The following FAM117A variants were observed in gnomAD, a reference collection of about 807,000 sequenced individuals.
FAM117A encodes the protein protein FAM117A.
FAM117A carries 21 observed loss-of-function variants against 44.1 expected under a neutral mutation model. The observed-to-expected ratio is 0.48, with a 90% CI of 0.34 to 0.69. The LOEUF (loss-of-function observed/expected upper bound fraction) is 0.69. Among genes scored for constraint, FAM117A ranks in the 30% least tolerant of loss-of-function variants. FAM117A has a pLI of 0.01. For synonymous variants in FAM117A, 220 were observed against 238.3 expected (o/e 0.92, Z 0.71); for missense variants, 498 against 589.9 (o/e 0.84, Z 1.61).
At chr17:49,760,467 C>G (rs2073718505) in intron 1 of FAM117A, among the ~76,000 whole-genome samples, 1 of 152,040 alleles carries the variant, frequency 6.6e-6, no homozygotes, top group African/African-American at 2.4e-5. Flanking sequence ...TTAAATGAAG[C>G]AGTGTGGCTG....
intron 1 of FAM117A, among the ~76,000 whole-genome samples, chr17:49,771,335 TTGA>T (rs1360032201): frequency 1.3e-5 from 2 of 152,222 alleles, no homozygotes; most frequent in African/African-American, 4.8e-5. Context: ...CTCTGAGAGA[TTGA>T]TGATGTGTGG....
chr17:49,755,724 C>T (rs1017867040), intron 1 of FAM117A, among the ~76,000 whole-genome samples: 5 of 152,240 alleles, frequency 3.3e-5, no homozygotes, highest in East Asian at 3.9e-4. Context: ...ACTAACACTT[C>T]GGGGGGTTTT....
At chr17:49,726,560 C>A (rs1322733615) in intron 2 of FAM117A, among the ~76,000 whole-genome samples, 5 of 152,198 alleles carry the variant, frequency 3.3e-5, no homozygotes, top group Admixed American at 2.6e-4. Flanking sequence ...TGGACTATAG[C>A]CCCTCCTAAA....
chr17:49,759,209 C>G (rs1011372268), intron 1 of FAM117A, among the ~76,000 whole-genome samples: 1 of 152,212 alleles, frequency 6.6e-6, no homozygotes, highest in Non-Finnish European at 1.5e-5. Context: ...GAGACCTTCT[C>G]GTACTATATA....
intron 2 of FAM117A, among the ~76,000 whole-genome samples, chr17:49,729,507 T>G (rs1404588028): frequency 1.5e-5 from 2 of 136,098 alleles, no homozygotes; most frequent in East Asian, 2.0e-4. Context: ...ATCAGTCTTT[T>G]TTTTTTTTTT....
chr17:49,779,307 C>G (rs911736714), intron 1 of FAM117A, among the ~76,000 whole-genome samples: 1 of 152,218 alleles, frequency 6.6e-6, no homozygotes, highest in Non-Finnish European at 1.5e-5. Flanking sequence ...ATGCTACTTA[C>G]AGTTGTCTGG....
chr17:49,785,079 C>A (rs1346227574), intron 1 of FAM117A, among the ~76,000 whole-genome samples: 1 of 152,158 alleles, frequency 6.6e-6, no homozygotes, highest in Non-Finnish European at 1.5e-5. Flanking sequence ...ATAACAATAG[C>A]CATTTATTGA....
intron 7 of FAM117A, among the ~76,000 whole-genome samples, chr17:49,715,204 A>G (rs1339396400): frequency 6.6e-6 from 1 of 152,174 alleles, no homozygotes; most frequent in Non-Finnish European, 1.5e-5. Flanking sequence ...AAGGGATCCC[A>G]GGCAACAATA....
intron 2 of FAM117A, among the ~76,000 whole-genome samples, chr17:49,729,377 G>T (rs1462504475): frequency 6.6e-6 from 1 of 152,176 alleles, no homozygotes; most frequent in Admixed American, 6.5e-5. Context: ...ACCAGTGAGG[G>T]AGGATGAAGC....
At chr17:49,722,447 G>A in intron 3 of FAM117A, 52 bp downstream of exon 3, 1 of 1,446,308 alleles carries the variant, frequency 6.9e-7, no homozygotes. Flanking sequence ...ATGGTACTAG[G>A]GGATCGAGAA....
intron 1 of FAM117A, among the ~76,000 whole-genome samples, chr17:49,736,559 C>T (rs2073611786): frequency 6.6e-6 from 1 of 152,200 alleles, no homozygotes; most frequent in Admixed American, 6.5e-5. Context: ...GGCCCTCTTT[C>T]AAAGACGGAG....
chr17:49,732,330 G>T, intron 2 of FAM117A: 1 of 375,118 alleles, frequency 2.7e-6, no homozygotes, highest in Non-Finnish European at 5.0e-6. Flanking sequence ...ACTTGAACCC[G>T]GGAGGCAGAG....
At chr17:49,713,709 A>G (rs904727381) in intron 7 of FAM117A, among the ~76,000 whole-genome samples, 1 of 151,914 alleles carries the variant, frequency 6.6e-6, no homozygotes, top group African/African-American at 2.4e-5. Context: ...GTGTCTCCCT[A>G]TGTTGCCCAG....
intron 3 of FAM117A, among the ~76,000 whole-genome samples, 189 bp from the exon 4 acceptor site, chr17:49,720,625 G>T (rs2073529730): frequency 6.6e-6 from 1 of 152,126 alleles, no homozygotes; most frequent in South Asian, 2.1e-4. Context: ...AGACGAGTTG[G>T]ATACCTCACT....
upstream of FAM117A, among the ~76,000 whole-genome samples, chr17:49,767,669 C>G (rs1299195274): frequency 6.6e-6 from 1 of 152,106 alleles, no homozygotes; most frequent in Non-Finnish European, 1.5e-5. Flanking sequence ...CTTTAGGAGG[C>G]CGAGGTGGGT....
upstream of FAM117A, among the ~76,000 whole-genome samples, chr17:49,768,608 G>A (rs941138315): frequency 6.6e-6 from 1 of 152,144 alleles, no homozygotes; most frequent in Non-Finnish European, 1.5e-5. Context: ...TGTCAGGACT[G>A]GCTCCTCAGG....
At chr17:49,749,306 A>G (rs895735406) in intron 1 of FAM117A, among the ~76,000 whole-genome samples, 6 of 152,056 alleles carry the variant, frequency 3.9e-5, no homozygotes, top group Admixed American at 2.0e-4. Flanking sequence ...GGCCAGGCGC[A>G]GTGGCTCACA....
upstream of FAM117A, among the ~76,000 whole-genome samples, chr17:49,768,901 C>T (rs1305426981): frequency 6.6e-6 from 1 of 152,208 alleles, no homozygotes; most frequent in Non-Finnish European, 1.5e-5. Flanking sequence ...AGCTCTCTCA[C>T]TTGTTCCTTC....
intron 1 of FAM117A, among the ~76,000 whole-genome samples, chr17:49,776,865 CG>C (rs1567839409): frequency 6.6e-6 from 1 of 152,130 alleles, no homozygotes; most frequent in Non-Finnish European, 1.5e-5. Flanking sequence ...GGAGACTTGA[CG>C]GAAGAGGGTG....
Sources: gnomAD v4.1 joint callset for allele counts (sites outside exome capture counted in the v4.1 genomes callset) on GRCh38, gnomAD v4.1.1 for gene constraint, MANE v1.5 for transcripts, NCBI Gene and HGNC (gene_info 2026-07-23, HGNC 2026-07-21) for gene names.